GALNT13: variants seen among roughly 807,000 people sequenced by gnomAD.
GALNT13 encodes the protein polypeptide N-acetylgalactosaminyltransferase 13.
Under a neutral mutation model 64.2 loss-of-function variants are expected in GALNT13, and 28 were observed. The ratio of observed to expected loss-of-function variants is 0.44; its 90% confidence interval spans 0.32 to 0.60. The LOEUF is 0.60. Among genes scored for constraint, GALNT13 ranks in the 20% least tolerant of loss-of-function variants. GALNT13 has a pLI of 0.05. For synonymous variants in GALNT13, 214 were observed against 224.6 expected (o/e 0.95, Z 0.42); for missense variants, 577 against 669.8 (o/e 0.86, Z 1.53).
the GALNT13 span, among the ~76,000 whole-genome samples, chr2:153,646,792 C>T: frequency 1.3e-5 from 2 of 152,090 alleles, no homozygotes; most frequent in African/African-American, 2.4e-5. Flanking sequence ...AGGACATGAA[C>T]TCCTCATTTT....
chr2:153,301,366 C>T, the GALNT13 span, among the ~76,000 whole-genome samples: 1 of 135,614 alleles, frequency 7.4e-6, no homozygotes, highest in Non-Finnish European at 1.6e-5. Flanking sequence ...CTCCCATGAA[C>T]ACCTAGTTCC....
intron 3 of GALNT13, among the ~76,000 whole-genome samples, chr2:154,024,190 G>A (rs1697759745): frequency 6.6e-6 from 1 of 152,046 alleles, no homozygotes; most frequent in East Asian, 1.9e-4. Flanking sequence ...TGCTCTTCTC[G>A]AGGAGTATCT....
At chr2:153,918,782 C>T (rs1689564199) in intron 2 of GALNT13, among the ~76,000 whole-genome samples, 1 of 152,074 alleles carries the variant, frequency 6.6e-6, no homozygotes, top group African/African-American at 2.4e-5. Flanking sequence ...ATATCTTTCC[C>T]CTTAAAACCA....
chr2:154,148,778 G>GT (rs931795080), intron 4 of GALNT13, among the ~76,000 whole-genome samples: 1 of 152,040 alleles, frequency 6.6e-6, no homozygotes, highest in Admixed American at 6.6e-5. Flanking sequence ...GGGTTGTTTT[G>GT]TTTTTTTCTT....
At chr2:154,301,286 T>C in intron 8 of GALNT13, 123 bp from the exon 9 acceptor site, 1 of 798,368 alleles carries the variant, frequency 1.3e-6, no homozygotes. Flanking sequence ...AGTGTACCAG[T>C]TCTAAATTTT....
chr2:153,149,652 A>G, the GALNT13 span, among the ~76,000 whole-genome samples: 1 of 151,830 alleles, frequency 6.6e-6, no homozygotes, highest in Admixed American at 6.6e-5. Context: ...GGTTACAAAT[A>G]AACCTTTACT....
the GALNT13 span, among the ~76,000 whole-genome samples, chr2:153,581,988 C>T: frequency 2.6e-5 from 4 of 152,058 alleles, no homozygotes; most frequent in Non-Finnish European, 4.4e-5. Context: ...TAACCTTATA[C>T]CTTCTTTTCA....
the GALNT13 span, among the ~76,000 whole-genome samples, chr2:153,226,749 C>T: frequency 6.6e-6 from 1 of 152,164 alleles, no homozygotes; most frequent in African/African-American, 2.4e-5. Flanking sequence ...CCTGATATGG[C>T]ACTAAAACCA....
intron 3 of GALNT13, among the ~76,000 whole-genome samples, chr2:154,001,953 T>G (rs1009946862): frequency 5.9e-5 from 9 of 152,160 alleles, no homozygotes; most frequent in South Asian, 2.1e-4. Flanking sequence ...AAAGGTTTTT[T>G]TGTGTGTGTG....
chr2:154,062,711 C>T (rs989053890), intron 3 of GALNT13, among the ~76,000 whole-genome samples: 3 of 152,274 alleles, frequency 2.0e-5, no homozygotes, highest in Middle Eastern at 3.4e-3. Flanking sequence ...TGTCTCCCAG[C>T]GGAATTACAA....
At chr2:153,148,549 T>A in the GALNT13 span, among the ~76,000 whole-genome samples, 1 of 151,572 alleles carries the variant, frequency 6.6e-6, no homozygotes, top group South Asian at 2.1e-4. Context: ...AACGCAAGAC[T>A]TTTCTGCATC....
At chr2:153,617,098 T>C in the GALNT13 span, among the ~76,000 whole-genome samples, 4 of 152,148 alleles carry the variant, frequency 2.6e-5, no homozygotes, top group East Asian at 1.9e-4. Context: ...CTTCCAGTGC[T>C]GCATTGAATA....
At chr2:153,181,652 A>G in the GALNT13 span, among the ~76,000 whole-genome samples, 15 of 146,216 alleles carry the variant, frequency 1.0e-4, no homozygotes, top group African/African-American at 3.7e-4. Context: ...TATATTATAT[A>G]TTAAATTTAT....
chr2:153,335,656 T>A, the GALNT13 span, among the ~76,000 whole-genome samples: 1 of 152,214 alleles, frequency 6.6e-6, no homozygotes, highest in South Asian at 2.1e-4. Flanking sequence ...AAGCAAAGCA[T>A]AAAACTTTGG....
chr2:153,788,141 T>G, the GALNT13 span, among the ~76,000 whole-genome samples: 1 of 151,958 alleles, frequency 6.6e-6, no homozygotes, highest in African/African-American at 2.4e-5. Context: ...TACATAATCA[T>G]CAGATTCCCC....
intron 3 of GALNT13, among the ~76,000 whole-genome samples, chr2:154,029,615 C>T (rs943887754): frequency 6.6e-6 from 1 of 152,114 alleles, no homozygotes; most frequent in African/African-American, 2.4e-5. Context: ...TTTACTCATT[C>T]TTTAATGTCC....
chr2:153,510,596 G>C, the GALNT13 span, among the ~76,000 whole-genome samples: 3 of 152,130 alleles, frequency 2.0e-5, no homozygotes, highest in Non-Finnish European at 4.4e-5. Flanking sequence ...AATCACCTGG[G>C]AGTCATGAAC....
intron 2 of GALNT13, among the ~76,000 whole-genome samples, chr2:153,905,280 CA>C (rs1235805835): frequency 4.6e-5 from 7 of 151,992 alleles, no homozygotes; most frequent in Admixed American, 2.6e-4. Flanking sequence ...ATAATATATA[CA>C]GCATTTCCTC....
intron 3 of GALNT13, among the ~76,000 whole-genome samples, chr2:153,945,916 TA>T (rs747150042): frequency 1.2e-3 from 176 of 152,270 alleles, no homozygotes; most frequent in Non-Finnish European, 2.2e-3. Context: ...ACAAATAATT[TA>T]AAAAAATTTG....
Sources: gnomAD v4.1 joint callset for allele counts (sites outside exome capture counted in the v4.1 genomes callset) on GRCh38, gnomAD v4.1.1 for gene constraint, MANE v1.5 for transcripts, NCBI Gene and HGNC (gene_info 2026-07-23, HGNC 2026-07-21) for gene names.